Variants in SMCO4 observed in about 807,000 individuals in gnomAD.
SMCO4 encodes the protein single-pass membrane protein with coiled-coil domains 4, also known as single-pass membrane and coiled-coil domain-containing protein 4.
In SMCO4, 4 loss-of-function variants were observed where a neutral mutation model predicts 3.6. The ratio of observed to expected loss-of-function variants is 1.11; its 90% CI spans 0.54 to 2.53. The LOEUF is 2.53. SMCO4 is among the 30% of genes most tolerant of loss of function. The pLI, the probability that SMCO4 is intolerant of heterozygous loss-of-function variation, is 0.02. For synonymous variants in SMCO4, 36 were observed against 35.3 expected (o/e 1.02, Z -0.07); for missense variants, 70 against 80.8 (o/e 0.87, Z 0.51).
intron 2 of SMCO4, among the ~76,000 whole-genome samples, chr11:93,484,882 C>T (rs1019395319): frequency 1.3e-5 from 2 of 152,112 alleles, no homozygotes; most frequent in East Asian, 1.9e-4. Flanking sequence ...GACCTGCTAA[C>T]CCTGTGCAGC....
chr11:93,549,122 A>T, the SMCO4 span, among the ~76,000 whole-genome samples: 9 of 152,140 alleles, frequency 5.9e-5, no homozygotes, highest in South Asian at 1.9e-3. Flanking sequence ...AGTGGCCATG[A>T]GTGTGTGTGT....
upstream of SMCO4, among the ~76,000 whole-genome samples, chr11:93,544,539 A>G (rs1313242193): frequency 6.6e-6 from 1 of 152,144 alleles, no homozygotes; most frequent in Admixed American, 6.5e-5. Flanking sequence ...ACAAGTTTTT[A>G]TTTTAGGGAT....
At chr11:93,531,650 A>C (rs1334707010) in intron 1 of SMCO4, among the ~76,000 whole-genome samples, 1 of 152,248 alleles carries the variant, frequency 6.6e-6, no homozygotes, top group Non-Finnish European at 1.5e-5. Context: ...ACACTAATTA[A>C]TATATTGTAC....
chr11:93,521,858 G>A (rs1420728841), intron 1 of SMCO4, among the ~76,000 whole-genome samples: 1 of 152,134 alleles, frequency 6.6e-6, no homozygotes, highest in African/African-American at 2.4e-5. Flanking sequence ...AATACCAATC[G>A]AAGCTATAAT....
intron 1 of SMCO4, among the ~76,000 whole-genome samples, chr11:93,525,860 C>T (rs560744871): frequency 6.6e-6 from 1 of 152,306 alleles, no homozygotes; most frequent in South Asian, 2.1e-4. Flanking sequence ...ATGAAACGTG[C>T]ACTGCAACAG....
upstream of SMCO4, among the ~76,000 whole-genome samples, chr11:93,545,421 T>C (rs1436271551): frequency 1.3e-5 from 2 of 151,468 alleles, no homozygotes; most frequent in African/African-American, 2.4e-5. Flanking sequence ...ACCCCGTCTC[T>C]ACTGAAAATA....
intron 2 of SMCO4, among the ~76,000 whole-genome samples, chr11:93,490,433 G>C (rs1948701284): frequency 6.6e-6 from 1 of 152,134 alleles, no homozygotes; most frequent in Non-Finnish European, 1.5e-5. Flanking sequence ...GAATATAACG[G>C]CAGCACATGC....
the SMCO4 span, among the ~76,000 whole-genome samples, chr11:93,553,622 G>C: frequency 6.6e-6 from 1 of 152,262 alleles, no homozygotes; most frequent in South Asian, 2.1e-4. Context: ...GTAGACCCAA[G>C]CTAGATCTTG....
intron 2 of SMCO4, among the ~76,000 whole-genome samples, chr11:93,483,350 G>A (rs911067644): frequency 2.0e-5 from 3 of 152,190 alleles, no homozygotes; most frequent in African/African-American, 7.2e-5. Flanking sequence ...GGCCTCCTGG[G>A]CCAGGGCTGG....
At chr11:93,547,298 A>G (rs1949321838), upstream of SMCO4, among the ~76,000 whole-genome samples, 1 of 152,198 alleles carries the variant, frequency 6.6e-6, no homozygotes, top group African/African-American at 2.4e-5. Context: ...CCAGAGAAGA[A>G]CAGGACACCT....
At chr11:93,513,728 C>G (rs2134612388) in intron 1 of SMCO4, among the ~76,000 whole-genome samples, 1 of 152,250 alleles carries the variant, frequency 6.6e-6, no homozygotes, top group South Asian at 2.1e-4. Flanking sequence ...GGAATCTTCA[C>G]TTATACACTT....
At chr11:93,505,956 C>T (rs1336915377) in intron 1 of SMCO4, among the ~76,000 whole-genome samples, 4 of 151,882 alleles carry the variant, frequency 2.6e-5, no homozygotes, top group Non-Finnish European at 5.9e-5. Flanking sequence ...GTGCTCCTGC[C>T]CACCAAGATA....
chr11:93,482,649 A>G (rs949335126), intron 2 of SMCO4, among the ~76,000 whole-genome samples: 2 of 152,250 alleles, frequency 1.3e-5, no homozygotes, highest in South Asian at 2.1e-4. Flanking sequence ...AAGAAGGTCA[A>G]CTGTGAGAAG....
chr11:93,547,270 C>T (rs1949321752), upstream of SMCO4, among the ~76,000 whole-genome samples: 1 of 152,310 alleles, frequency 6.6e-6, no homozygotes, highest in South Asian at 2.1e-4. Flanking sequence ...GTTAGCTTGG[C>T]CACATGCCTA....
At chr11:93,503,123 T>G (rs751590917) in intron 1 of SMCO4, among the ~76,000 whole-genome samples, 3 of 152,104 alleles carry the variant, frequency 2.0e-5, no homozygotes, top group Non-Finnish European at 4.4e-5. Context: ...AGAGGTCAGG[T>G]CCTGTATCAG....
chr11:93,543,495 G>A, upstream of SMCO4: 1 of 152,844 alleles, frequency 6.5e-6, no homozygotes, highest in Admixed American at 6.5e-5. Context: ...CTCGGCTCCC[G>A]CCCCCTCTTC....
chr11:93,538,857 T>C (rs749186147), intron 1 of SMCO4, among the ~76,000 whole-genome samples: 21 of 152,132 alleles, frequency 1.4e-4, no homozygotes, highest in Non-Finnish European at 2.2e-4. Flanking sequence ...AACTAGTTTC[T>C]CTACACCTAA....
intron 1 of SMCO4, among the ~76,000 whole-genome samples, chr11:93,534,734 T>TA (rs1565390357): frequency 6.6e-6 from 1 of 152,094 alleles, no homozygotes; most frequent in Non-Finnish European, 1.5e-5. Context: ...TGTGGTCCAG[T>TA]AAGCCAGGGC....
upstream of SMCO4, among the ~76,000 whole-genome samples, chr11:93,547,764 CAAAG>C (rs1949324401): frequency 6.6e-6 from 1 of 152,166 alleles, no homozygotes. Flanking sequence ...GGAGAAAAGA[CAAAG>C]AGAATATAAT....
Sources: allele counts gnomAD v4.1 joint callset (sites outside exome capture counted in the v4.1 genomes callset), GRCh38; gene constraint gnomAD v4.1.1; transcripts MANE v1.5; gene names NCBI Gene and HGNC (gene_info 2026-07-23, HGNC 2026-07-21).